Variants in NUBPL observed in about 807,000 individuals in gnomAD.
NUBPL encodes iron-sulfur cluster transfer protein NUBPL.
Under a neutral mutation model 45.7 loss-of-function variants are expected in NUBPL, and 31 were observed. The ratio of observed to expected loss-of-function variants is 0.68; its 90% CI spans 0.51 to 0.92. NUBPL has a LOEUF of 0.92. Ranked by LOEUF, NUBPL falls within the 40% of genes least tolerant of loss-of-function variation. The pLI is 0.00. For missense variants in NUBPL, 401 were observed against 398.7 expected (o/e 1.01, Z -0.05); for synonymous variants, 144 against 140.9 (o/e 1.02, Z -0.15).
At chr14:31,746,697 A>T (rs2038406265) in intron 6 of NUBPL, among the ~76,000 whole-genome samples, 1 of 151,808 alleles carries the variant, frequency 6.6e-6, no homozygotes, top group East Asian at 1.9e-4. Flanking sequence ...CTGATACCAG[A>T]CTCATAGAAT....
At chr14:31,835,555 T>G (rs1203422430) in intron 8 of NUBPL, among the ~76,000 whole-genome samples, 1 of 152,192 alleles carries the variant, frequency 6.6e-6, no homozygotes, top group Non-Finnish European at 1.5e-5. Context: ...CTCTGAATGT[T>G]TTTGATATAG....
chr14:31,623,333 A>G (rs2035117876), intron 4 of NUBPL, among the ~76,000 whole-genome samples: 1 of 152,172 alleles, frequency 6.6e-6, no homozygotes, highest in Non-Finnish European at 1.5e-5. Context: ...TGAGACTTTG[A>G]ACTTGGACTT....
chr14:31,795,143 T>C (rs983803721), intron 7 of NUBPL, among the ~76,000 whole-genome samples: 3 of 149,930 alleles, frequency 2.0e-5, no homozygotes, highest in African/African-American at 7.4e-5. Context: ...AGCCTTGTAG[T>C]ATAGTTTGAA....
At position 31,718,628 on chromosome 14, in the gene NUBPL, A is replaced by C. The variant is rs559149965; in HGVS notation, c.513+45054A>C. On this transcript the variant is annotated intron_variant, in intron 6 of 10. Coordinates refer to ENST00000281081, the MANE Select transcript of NUBPL (RefSeq NM_025152.3). The stretch of plus-strand genomic sequence containing the variant: ...AGTGAGGGGAGTTATTACATTACTT[A>C]TATAATTTGTATTTTATTCAGATCC... 1.7e-4 allele frequency among the ~76,000 whole-genome samples: 26 copies of C among 152,300 alleles called. No homozygotes were observed. The South Asian group carries it at 5.2e-3, about 30-fold the overall frequency.
At chr14:31,743,190 C>T (rs998970670) in intron 6 of NUBPL, among the ~76,000 whole-genome samples, 2 of 152,110 alleles carry the variant, frequency 1.3e-5, no homozygotes, top group Admixed American at 6.6e-5. Context: ...TCACCTCCAC[C>T]GTTTAAATGT....
intron 6 of NUBPL, among the ~76,000 whole-genome samples, chr14:31,720,695 A>ATG (rs897133426): frequency 1.3e-4 from 20 of 152,336 alleles, no homozygotes; most frequent in African/African-American, 4.8e-4. Flanking sequence ...TACTAGCTAT[A>ATG]TGTGGCTTTT....
chr14:31,585,511 G>T (rs559905521), intron 3 of NUBPL, among the ~76,000 whole-genome samples: 22 of 151,898 alleles, frequency 1.4e-4, no homozygotes, highest in Admixed American at 1.4e-3. Flanking sequence ...ATGAACATTT[G>T]TGTGCAAATT....
chr14:31,581,838 A>G (rs965609992), intron 3 of NUBPL, among the ~76,000 whole-genome samples: 22 of 152,334 alleles, frequency 1.4e-4, no homozygotes, highest in Non-Finnish European at 2.4e-4. Flanking sequence ...TTACCTCAGA[A>G]GTAAGAGTAG....
In NUBPL at chr14:31,604,076, C is replaced by T. The variant is rs549522677; in HGVS notation, c.382+4697C>T. 4.0e-5 allele frequency among the ~76,000 whole-genome samples: 6 copies of T among 148,922 alleles called. No individual in the cohort carries two copies. In the South Asian group the frequency reaches 1.3e-3, roughly 32 times the overall value. On this transcript the variant is annotated intron_variant, in intron 4 of 10. Transcript: ENST00000281081. The stretch of plus-strand genomic sequence containing the variant: ...CGAAGTGAACTTTAATTTCTTTCTT[C>T]TTGTTTTACTGAAGCTATAATCTTA...
chr14:31,628,577 C>T (rs865909152), intron 4 of NUBPL, among the ~76,000 whole-genome samples: 1 of 152,036 alleles, frequency 6.6e-6, no homozygotes, highest in African/African-American at 2.4e-5. Context: ...TCTTTGAAGT[C>T]GTAGGTTTAT....
intron 3 of NUBPL, among the ~76,000 whole-genome samples, chr14:31,579,110 C>T (rs2033796080): frequency 6.6e-6 from 1 of 152,108 alleles, no homozygotes; most frequent in Non-Finnish European, 1.5e-5. Context: ...AAGCCTTCTC[C>T]AAACCCTGGA....
At chr14:31,610,692 C>G (rs1176244542) in intron 4 of NUBPL, among the ~76,000 whole-genome samples, 10 of 147,504 alleles carry the variant, frequency 6.8e-5, no homozygotes, top group Non-Finnish European at 1.3e-4. Flanking sequence ...CAATAAAATA[C>G]TAGGAAACCA....
chr14:31,613,889 C>T (rs2034828434), intron 4 of NUBPL, among the ~76,000 whole-genome samples: 1 of 151,512 alleles, frequency 6.6e-6, no homozygotes, highest in African/African-American at 2.4e-5. Context: ...ATACTATGTA[C>T]TCACAAAAAT....
At chr14:31,752,218 G>T (rs1032069113) in intron 6 of NUBPL, among the ~76,000 whole-genome samples, 3 of 152,168 alleles carry the variant, frequency 2.0e-5, no homozygotes, top group African/African-American at 7.2e-5. Flanking sequence ...TAAAAAATGG[G>T]TTTTTCTTTT....
At chr14:31,601,248 G>T (rs1438754364) in intron 4 of NUBPL, among the ~76,000 whole-genome samples, 1 of 152,020 alleles carries the variant, frequency 6.6e-6, no homozygotes, top group Non-Finnish European at 1.5e-5. Context: ...CTCTTTTTTG[G>T]TTCCATATGA....
intron 7 of NUBPL, among the ~76,000 whole-genome samples, chr14:31,821,674 C>G (rs979694661): frequency 2.6e-5 from 4 of 152,198 alleles, no homozygotes; most frequent in African/African-American, 7.2e-5. Context: ...TTGAGCAGTC[C>G]TATTGCTGGG....
At chr14:31,717,792 T>A (rs984480536) in intron 6 of NUBPL, among the ~76,000 whole-genome samples, 3 of 139,018 alleles carry the variant, frequency 2.2e-5, no homozygotes, top group African/African-American at 2.5e-5. Context: ...AAAAAAAAAA[T>A]GGTATTTTCA....
intron 4 of NUBPL, among the ~76,000 whole-genome samples, chr14:31,660,567 A>G (rs969110839): frequency 6.6e-6 from 1 of 152,152 alleles, no homozygotes; most frequent in Non-Finnish European, 1.5e-5. Flanking sequence ...AACTTTAAAA[A>G]TAAATATTTT....
chr14:31,775,941 C>G (rs892756239), intron 6 of NUBPL, among the ~76,000 whole-genome samples: 1 of 152,122 alleles, frequency 6.6e-6, no homozygotes, highest in African/African-American at 2.4e-5. Flanking sequence ...GGAGAGACAG[C>G]CAGGTTATGG....
Sources: allele counts gnomAD v4.1 joint callset (sites outside exome capture counted in the v4.1 genomes callset), GRCh38; gene constraint gnomAD v4.1.1; transcripts MANE v1.5; gene names NCBI Gene and HGNC (gene_info 2026-07-23, HGNC 2026-07-21).